WDHD1: variants seen among roughly 807,000 people sequenced by gnomAD.
The protein encoded by WDHD1 is WD repeat and HMG-box DNA-binding protein 1.
Under a neutral mutation model 135.4 loss-of-function variants are expected in WDHD1, and 111 were observed. The observed-to-expected ratio is 0.82, with a 90% CI of 0.70 to 0.96. The LOEUF is 0.96. WDHD1 is among the 40% of genes least tolerant of loss of function. The pLI is 0.00. For missense variants in WDHD1, 1,351 were observed against 1,336.3 expected (o/e 1.01, Z -0.17); for synonymous variants, 434 against 439.0 (o/e 0.99, Z 0.14).
At chr14:54,957,517 A>G in intron 22 of WDHD1, 75 bp downstream of exon 22, 1 of 1,293,684 alleles carries the variant, frequency 7.7e-7, no homozygotes, top group Non-Finnish European at 1.1e-6. Context: ...GGGGAGAGTC[A>G]TCTCATCATT....
chr14:54,991,189 G>A, intron 12 of WDHD1, 24 bp downstream of exon 12: 1 of 1,353,330 alleles, frequency 7.4e-7, no homozygotes, highest in Non-Finnish European at 1.0e-6. Context: ...CTACTAAGAA[G>A]TTAAGTGTAG....
At chr14:54,953,060 A>C (rs1183837657) in intron 24 of WDHD1, among the ~76,000 whole-genome samples, 1 of 152,152 alleles carries the variant, frequency 6.6e-6, no homozygotes, top group East Asian at 1.9e-4. Context: ...AGGATATAGG[A>C]ATGTGCAAGG....
intron 2 of WDHD1, among the ~76,000 whole-genome samples, chr14:55,015,384 A>AAC (rs2042243258): frequency 6.7e-6 from 1 of 148,860 alleles, no homozygotes. Flanking sequence ...TGTCTCAAAA[A>AAC]AAAAAAAAAA....
intron 2 of WDHD1, among the ~76,000 whole-genome samples, chr14:55,014,574 C>T (rs887154339): frequency 2.0e-5 from 3 of 152,256 alleles, no homozygotes; most frequent in East Asian, 3.9e-4. Context: ...ACTATCCAAA[C>T]GTGTTTCAAA....
At chr14:54,956,896 A>G (rs568245587) in intron 23 of WDHD1, 138 bp downstream of exon 23, 5 of 1,087,112 alleles carry the variant, frequency 4.6e-6, no homozygotes, top group Non-Finnish European at 6.4e-6. Flanking sequence ...AGCTGCAAAA[A>G]CAGAATTGAA....
At chr14:54,986,882 G>A (rs186646726) in intron 14 of WDHD1, among the ~76,000 whole-genome samples, 130 of 152,250 alleles carry the variant, frequency 8.5e-4, no homozygotes, top group African/African-American at 2.9e-3. Context: ...AAGTTCTCTG[G>A]TCGTGCTTGC....
chr14:54,967,415 C>G, intron 16 of WDHD1, 21 bp from the exon 17 acceptor site: 1 of 1,553,702 alleles, frequency 6.4e-7, no homozygotes. Flanking sequence ...AGAAAAGTTC[C>G]ATCATAAAAA....
intron 2 of WDHD1, among the ~76,000 whole-genome samples, chr14:55,016,774 A>G (rs2140229812): frequency 6.6e-6 from 1 of 152,340 alleles, no homozygotes; most frequent in South Asian, 2.1e-4. Context: ...ACAGCGCAGC[A>G]TTAAAAGAAA....
chr14:55,002,267 G>T, intron 7 of WDHD1, 82 bp from the exon 8 acceptor site: 6 of 969,778 alleles, frequency 6.2e-6, no homozygotes, highest in Non-Finnish European at 9.4e-6. Context: ...AATTCATTCA[G>T]ATATATTTAC....
At chr14:55,026,262 T>A (rs889980747) in intron 2 of WDHD1, among the ~76,000 whole-genome samples, 1 of 151,866 alleles carries the variant, frequency 6.6e-6, no homozygotes, top group Non-Finnish European at 1.5e-5. Context: ...AGAATAACCG[T>A]AGGAAAATAT....
At chr14:54,956,343 GA>G (rs1479377558) in intron 23 of WDHD1, among the ~76,000 whole-genome samples, 20 of 152,218 alleles carry the variant, frequency 1.3e-4, no homozygotes, top group African/African-American at 4.8e-4. Flanking sequence ...AAAACAAGGA[GA>G]GGGGCAGGAT....
At chr14:55,005,674 G>GGGCTC in intron 7 of WDHD1, 1 of 528,676 alleles carries the variant, frequency 1.9e-6, no homozygotes, top group South Asian at 1.6e-5. Context: ...GCAGGACATA[G>GGGCTC]AGGTTCTAGA....
In WDHD1 at chr14:55,016,006, G is replaced by C. The variant is rs11848698; in HGVS notation, c.78-2410C>G. On this transcript the variant is annotated intron_variant, in intron 2 of 25. Transcript: ENST00000360586. ...GAGCCACCACACCCAGCCCCGATGG[G>C]CTTCTTGGTGTATCAGCAGATGCAC... 8.5e-3 allele frequency among the ~76,000 whole-genome samples: 1,300 copies of C among 152,318 alleles called. 18 individuals carry two copies. Among genetic ancestry groups the C allele is most frequent in the African/African-American group, 0.03 (1,245 of 41,562 alleles).
At chr14:55,002,427 T>A (rs1351855072) in intron 7 of WDHD1, among the ~76,000 whole-genome samples, 1 of 152,112 alleles carries the variant, frequency 6.6e-6, no homozygotes, top group Non-Finnish European at 1.5e-5. Flanking sequence ...TACACCACTG[T>A]GCCAGGCGCA....
At chr14:54,986,453 C>CCACCA (rs369094073) in intron 14 of WDHD1, among the ~76,000 whole-genome samples, 8 of 152,206 alleles carry the variant, frequency 5.3e-5, no homozygotes, top group South Asian at 2.1e-4. Context: ...CAGGTGTGAG[C>CCACCA]CACCACACCA....
chr14:55,015,376 T>C (rs899531382), intron 2 of WDHD1, among the ~76,000 whole-genome samples: 1 of 60,976 alleles, frequency 1.6e-5, no homozygotes, highest in Non-Finnish European at 3.0e-5. Flanking sequence ...CATGACACTG[T>C]CTCAAAAAAA....
intron 9 of WDHD1, 95 bp from the exon 10 acceptor site, chr14:55,000,739 CTT>C (rs777833940): frequency 2.2e-5 from 25 of 1,124,646 alleles, no homozygotes; most frequent in Non-Finnish European, 2.7e-5. Flanking sequence ...GAATAAATGA[CTT>C]TTGACAATAA....
chr14:54,944,288 C>G, intron 25 of WDHD1, 44 bp downstream of exon 25: 1 of 1,594,936 alleles, frequency 6.3e-7, no homozygotes, highest in South Asian at 1.2e-5. Context: ...TTTTTTAAAT[C>G]TGGGAATTCA....
At chr14:54,979,484 T>C (rs938285680) in intron 16 of WDHD1, among the ~76,000 whole-genome samples, 10 of 152,148 alleles carry the variant, frequency 6.6e-5, no homozygotes, top group African/African-American at 1.4e-4. Context: ...ATAAGAGTTA[T>C]CCACATATTC....
Sources: gnomAD v4.1 joint callset for allele counts (sites outside exome capture counted in the v4.1 genomes callset) on GRCh38, gnomAD v4.1.1 for gene constraint, MANE v1.5 for transcripts, NCBI Gene and HGNC (gene_info 2026-07-23, HGNC 2026-07-21) for gene names.